Variants in NEGR1 observed in about 807,000 individuals in gnomAD.
The protein encoded by NEGR1 is neuronal growth regulator 1.
NEGR1 carries 10 observed loss-of-function variants against 40.9 expected under a neutral mutation model. The ratio of observed to expected loss-of-function variants is 0.24; its 90% CI spans 0.15 to 0.42. NEGR1 has a LOEUF of 0.42. Ranked by LOEUF, NEGR1 falls within the 10% of genes least tolerant of loss-of-function variation. NEGR1 has a pLI of 1.00. For synonymous variants in NEGR1, 185 were observed against 166.8 expected (o/e 1.11, Z -0.84); for missense variants, 352 against 438.9 (o/e 0.80, Z 1.77).
At chr1:72,040,239 A>G (rs1404915724) in intron 1 of NEGR1, among the ~76,000 whole-genome samples, 1 of 151,924 alleles carries the variant, frequency 6.6e-6, no homozygotes, top group African/African-American at 2.4e-5. Flanking sequence ...ATCGTAACTT[A>G]AAGGTGCTAG....
rs575602368 is a variant in NEGR1 at position 71,450,929 on chromosome 1, A to AT, written c.941-43360dup. 4.9e-3 allele frequency among the ~76,000 whole-genome samples: 750 copies of AT among 151,604 alleles called. 8 individuals carry two copies. Among genetic ancestry groups the AT allele is most frequent in the African/African-American group, 0.017 (711 of 40,884 alleles). The stretch of plus-strand genomic sequence containing the variant: ...TACTTACAGTGTGAAAAAAATACAC[A>AT]TTTTTAAAAAAAGTGGTAGCAATAG... On this transcript the variant is annotated intron_variant, in intron 6 of 6. Transcript: ENST00000357731.
intron 2 of NEGR1, among the ~76,000 whole-genome samples, chr1:71,830,557 C>G (rs903992406): frequency 2.0e-5 from 3 of 151,570 alleles, no homozygotes; most frequent in Non-Finnish European, 4.4e-5. Context: ...CAAAAAGAAA[C>G]AAAACTCCCT....
chr1:71,972,782 T>C (rs1399340073), intron 1 of NEGR1, among the ~76,000 whole-genome samples: 1 of 152,184 alleles, frequency 6.6e-6, no homozygotes, highest in Non-Finnish European at 1.5e-5. Flanking sequence ...GAACTGAGTA[T>C]GGATGATTGC....
At chr1:71,669,646 T>C (rs760221755) in intron 4 of NEGR1, among the ~76,000 whole-genome samples, 4 of 151,374 alleles carry the variant, frequency 2.6e-5, no homozygotes, top group African/African-American at 4.9e-5. Flanking sequence ...CCATATATTT[T>C]AATGCTACGT....
intron 1 of NEGR1, among the ~76,000 whole-genome samples, chr1:71,969,005 TG>T (rs1295653014): frequency 5.9e-5 from 9 of 151,888 alleles, no homozygotes; most frequent in East Asian, 1.9e-4. Context: ...ACATCTCATA[TG>T]TTTTTTTTGT....
intron 2 of NEGR1, among the ~76,000 whole-genome samples, chr1:71,875,540 TCATGTGAA>T (rs1221755144): frequency 1.3e-5 from 2 of 152,160 alleles, no homozygotes; most frequent in Non-Finnish European, 2.9e-5. Context: ...AAAAAAGTCT[TCATGTGAA>T]TTAGAAAAGG....
rs1046499562 is a variant in NEGR1, at chr1:71,398,575, T to C, written c.*8871A>G. 6.6e-6 allele frequency: 1 copy of C among 152,274 alleles called. No individual in the cohort carries two copies. Among genetic ancestry groups the C allele is most frequent in the African/African-American group, 2.4e-5 (1 of 41,460 alleles). 9.4% of individuals were successfully genotyped at this position (152,274 alleles called of 1,614,324 possible). A position where few individuals can be genotyped will look rare whatever the true frequency, so the allele number is the denominator to read the frequency against. ...TAGGAAGTAACTAACTTGCTTTTGA[T>C]TTTACTGGCTGCTCATAGGCAGAAG... On this transcript the variant is annotated 3_prime_UTR_variant, in exon 7 of 7. Transcript: ENST00000357731.
At chr1:71,854,332 T>C (rs1308269438) in intron 2 of NEGR1, among the ~76,000 whole-genome samples, 1 of 152,124 alleles carries the variant, frequency 6.6e-6, no homozygotes, top group Non-Finnish European at 1.5e-5. Flanking sequence ...AATTTCTATA[T>C]ATTCTCAGAA....
intron 3 of NEGR1, among the ~76,000 whole-genome samples, chr1:71,737,949 G>A (rs1655092628): frequency 6.6e-6 from 1 of 152,120 alleles, no homozygotes; most frequent in South Asian, 2.1e-4. Flanking sequence ...TCTTCCCAGA[G>A]CCAGCACCTG....
intron 2 of NEGR1, among the ~76,000 whole-genome samples, chr1:71,781,046 A>G (rs1007984040): frequency 6.6e-6 from 1 of 152,094 alleles, no homozygotes; most frequent in African/African-American, 2.4e-5. Flanking sequence ...GCACGGCATT[A>G]TTTTCTTTTA....
At chr1:72,092,814 C>A (rs1219550225) in intron 1 of NEGR1, among the ~76,000 whole-genome samples, 2 of 151,932 alleles carry the variant, frequency 1.3e-5, no homozygotes, top group Non-Finnish European at 2.9e-5. Flanking sequence ...CCAGTCCCAG[C>A]TAAGTTTTTG....
At chr1:71,722,491 T>C (rs1654542255) in intron 3 of NEGR1, among the ~76,000 whole-genome samples, 1 of 152,116 alleles carries the variant, frequency 6.6e-6, no homozygotes, top group Non-Finnish European at 1.5e-5. Flanking sequence ...TAATACGTCA[T>C]GTATATAATT....
At chr1:71,879,149 T>A (rs928984438) in intron 2 of NEGR1, among the ~76,000 whole-genome samples, 212 of 140,412 alleles carry the variant, frequency 1.5e-3, no homozygotes, top group African/African-American at 5.2e-3. Flanking sequence ...AAAAAAAAAA[T>A]AGCAACAAGG....
chr1:72,230,535 TAAAG>T (rs1216665851), intron 1 of NEGR1, among the ~76,000 whole-genome samples: 1 of 152,092 alleles, frequency 6.6e-6, no homozygotes, highest in Non-Finnish European at 1.5e-5. Context: ...TGAATGAATA[TAAAG>T]AAAGCACTAT....
chr1:71,969,104 TC>T (rs1190880089), intron 1 of NEGR1, among the ~76,000 whole-genome samples: 3 of 151,912 alleles, frequency 2.0e-5, no homozygotes, highest in African/African-American at 4.8e-5. Flanking sequence ...AACCTCTACC[TC>T]CCAGGTTCAA....
At chr1:71,806,021 T>C (rs1657758500) in intron 2 of NEGR1, among the ~76,000 whole-genome samples, 1 of 152,154 alleles carries the variant, frequency 6.6e-6, no homozygotes, top group Non-Finnish European at 1.5e-5. Context: ...TTTCCATTAT[T>C]ATTTCTAAAA....
chr1:71,585,263 T>C (rs1649265496), intron 6 of NEGR1, among the ~76,000 whole-genome samples: 2 of 152,150 alleles, frequency 1.3e-5, no homozygotes, highest in African/African-American at 4.8e-5. Context: ...TAAACATGCA[T>C]AGATTTCTTA....
rs564622037 is a variant in NEGR1 at position 71,433,309 on chromosome 1, C to T, written c.941-25739G>A. Among the ~76,000 whole-genome samples the T allele has an allele frequency of 4.6e-5, 7 of 152,290 alleles. No individual in the cohort carries two copies. In the South Asian group the frequency reaches 6.2e-4, roughly 14 times the overall value. ...TGGTTACTGTAGCCAAACAAATTAA[C>T]GTATCTATCATCTCACATAGTTACC... On this transcript the variant is annotated intron_variant, in intron 6 of 6. Transcript: ENST00000357731.
intron 1 of NEGR1, among the ~76,000 whole-genome samples, chr1:72,021,375 G>C (rs1646754988): frequency 6.6e-6 from 1 of 152,044 alleles, no homozygotes; most frequent in Non-Finnish European, 1.5e-5. Flanking sequence ...AATGATGAAA[G>C]AATAAATGCA....
Sources: gnomAD v4.1 joint callset for allele counts (sites outside exome capture counted in the v4.1 genomes callset) on GRCh38, gnomAD v4.1.1 for gene constraint, MANE v1.5 for transcripts, NCBI Gene and HGNC (gene_info 2026-07-23, HGNC 2026-07-21) for gene names.